PTPRM: variants seen among roughly 807,000 people sequenced by gnomAD.
The protein encoded by PTPRM is protein tyrosine phosphatase receptor type M.
In PTPRM, 47 loss-of-function variants were observed where a neutral mutation model predicts 186.7. That is an observed-to-expected ratio of 0.25 (90% confidence interval 0.20 to 0.32). The LOEUF (loss-of-function observed/expected upper bound fraction) is 0.32. Ranked by LOEUF, PTPRM falls within the 10% of genes least tolerant of loss-of-function variation. PTPRM has a pLI of 1.00. For synonymous variants in PTPRM, 668 were observed against 674.9 expected, an observed-to-expected ratio of 0.99 and a Z score of 0.16; for missense variants, 1,494 against 1,865.0, an observed-to-expected ratio of 0.80 and a Z score of 3.66.
At chr18:8,091,663 G>C (rs1435050040) in intron 11 of PTPRM, among the ~76,000 whole-genome samples, 1 of 150,448 alleles carries the variant, frequency 6.6e-6, no homozygotes, top group Non-Finnish European at 1.5e-5. Flanking sequence ...TAATTGGACT[G>C]ATTATCTGTA....
At chr18:8,224,874 A>C (rs1404322708) in intron 14 of PTPRM, among the ~76,000 whole-genome samples, 2 of 152,144 alleles carry the variant, frequency 1.3e-5, no homozygotes, top group Non-Finnish European at 2.9e-5. Context: ...AATTGATTCA[A>C]CTTTCTTATT....
rs141401285 is a variant in PTPRM at position 7,824,277 on chromosome 18, A to G, written c.196+50006A>G. Among the ~76,000 whole-genome samples the G allele has an allele frequency of 2.7e-3, 412 of 152,278 alleles. 1 individual carries two copies. Among genetic ancestry groups the G allele is most frequent in the Non-Finnish European group, 4.3e-3 (293 of 68,014 alleles). On this transcript the variant is annotated intron_variant, in intron 2 of 32. Coordinates refer to ENST00000580170, the MANE Select transcript of PTPRM (RefSeq NM_001105244.2). ...ATCACTGTTCAGAGAAAGCCTCTAG[A>G]GGAAGTAGGATCTCCCACTGTTCTG...
At chr18:7,689,866 T>C (rs1373462891) in intron 1 of PTPRM, among the ~76,000 whole-genome samples, 9 of 152,236 alleles carry the variant, frequency 5.9e-5, no homozygotes, top group Admixed American at 5.9e-4. Flanking sequence ...TACTGAATAA[T>C]GTGCCTTCCT....
intron 14 of PTPRM, among the ~76,000 whole-genome samples, chr18:8,220,807 G>A (rs138767218): frequency 1.1e-3 from 171 of 152,166 alleles, no homozygotes; most frequent in African/African-American, 3.8e-3. Flanking sequence ...ACATTGAATC[G>A]ATGCTCTTAA....
chr18:8,372,053 A>ATTTTTTTTTTTTTTT (rs2095665582), intron 24 of PTPRM, among the ~76,000 whole-genome samples: 15 of 68,500 alleles, frequency 2.2e-4, no homozygotes, highest in South Asian at 4.8e-4. Flanking sequence ...TCCACTCTAT[A>ATTTTTTTTTTTTTTT]TTCTTTTTTT....
intron 7 of PTPRM, among the ~76,000 whole-genome samples, chr18:7,974,617 T>G (rs967675705): frequency 6.6e-6 from 1 of 152,186 alleles, no homozygotes; most frequent in African/African-American, 2.4e-5. Context: ...GACTCAGTAA[T>G]CTTCCCAGGG....
intron 1 of PTPRM, among the ~76,000 whole-genome samples, chr18:7,705,691 C>T (rs924388933): frequency 1.3e-5 from 2 of 150,678 alleles, no homozygotes; most frequent in Non-Finnish European, 3.0e-5. Flanking sequence ...TTCTTTCTCT[C>T]TCTTTCTTTC....
intron 4 of PTPRM, among the ~76,000 whole-genome samples, chr18:7,917,074 G>A (rs2050603098): frequency 6.6e-6 from 1 of 152,098 alleles, no homozygotes; most frequent in African/African-American, 2.4e-5. Context: ...TTAACATCAT[G>A]TATGTACTCT....
At chr18:7,987,148 T>C (rs1206620201) in intron 7 of PTPRM, among the ~76,000 whole-genome samples, 1 of 152,186 alleles carries the variant, frequency 6.6e-6, no homozygotes, top group African/African-American at 2.4e-5. Context: ...CACAGCGCTT[T>C]TGAGCTGTAA....
At chr18:8,126,169 G>A (rs1421039813) in intron 13 of PTPRM, among the ~76,000 whole-genome samples, 1 of 150,332 alleles carries the variant, frequency 6.7e-6, no homozygotes, top group African/African-American at 2.4e-5. Context: ...ATTGTTTGCT[G>A]AATGACTGAA....
chr18:8,334,662 A>G (rs7228557), intron 22 of PTPRM, among the ~76,000 whole-genome samples: 122 of 152,362 alleles, frequency 8.0e-4, no homozygotes, highest in African/African-American at 2.9e-3. Flanking sequence ...TTTGCCTCTC[A>G]TTAATCAATA....
At position 7,691,897 on chromosome 18, in the gene PTPRM, G is replaced by C. The variant is rs1220277475; in HGVS notation, c.74-82252G>C. ...AGGTGGGAGGATGGCTAGATCCCAG[G>C]AGGTTAAGGAGGTGGGAGGATGGCT... On this transcript the variant is annotated intron_variant, in intron 1 of 32. Transcript: ENST00000580170. Among the ~76,000 whole-genome samples, 25 of 150,530 alleles carry C rather than the reference G, an allele frequency of 1.7e-4. 1 individual carries two copies. Among genetic ancestry groups the C allele is most frequent in the Non-Finnish European group, 2.1e-4 (14 of 67,588 alleles).
At chr18:8,076,265 TAA>T (rs1282031211) in intron 8 of PTPRM, among the ~76,000 whole-genome samples, 188 bp from the exon 9 acceptor site, 1 of 152,140 alleles carries the variant, frequency 6.6e-6, no homozygotes, top group African/African-American at 2.4e-5. Flanking sequence ...AAAAAAATGA[TAA>T]AGTTATTCTT....
chr18:8,169,854 T>C (rs1043765516), intron 14 of PTPRM, among the ~76,000 whole-genome samples: 2 of 152,196 alleles, frequency 1.3e-5, no homozygotes, highest in African/African-American at 4.8e-5. Context: ...AACAACAGTG[T>C]AAGTAATTTG....
At chr18:8,140,106 G>C (rs1226008027) in intron 13 of PTPRM, among the ~76,000 whole-genome samples, 1 of 152,084 alleles carries the variant, frequency 6.6e-6, no homozygotes, top group Non-Finnish European at 1.5e-5. Flanking sequence ...TCCTAACCCT[G>C]CCACTCCCCT....
At chr18:8,066,412 A>T (rs563625820) in intron 7 of PTPRM, among the ~76,000 whole-genome samples, 241 of 152,090 alleles carry the variant, frequency 1.6e-3, no homozygotes, top group African/African-American at 5.4e-3. Flanking sequence ...AAATGACAGT[A>T]CTCCATCTGA....
intron 24 of PTPRM, among the ~76,000 whole-genome samples, chr18:8,371,981 G>A (rs1306552925): frequency 2.0e-5 from 3 of 151,164 alleles, no homozygotes; most frequent in Non-Finnish European, 2.9e-5. Flanking sequence ...AATAGTAGCA[G>A]GTCTTCTTGG....
At chr18:7,931,297 A>C (rs2051469485) in intron 5 of PTPRM, among the ~76,000 whole-genome samples, 1 of 152,092 alleles carries the variant, frequency 6.6e-6, no homozygotes, top group South Asian at 2.1e-4. Flanking sequence ...AAAATATCTC[A>C]GAGTCTGTAT....
At chr18:8,230,721 G>T (rs1448657429) in intron 14 of PTPRM, among the ~76,000 whole-genome samples, 1 of 152,196 alleles carries the variant, frequency 6.6e-6, no homozygotes, top group Non-Finnish European at 1.5e-5. Flanking sequence ...TCTGTCAACT[G>T]TTGCAGTGCT....
Sources: allele counts gnomAD v4.1 joint callset (sites outside exome capture counted in the v4.1 genomes callset), GRCh38; gene constraint gnomAD v4.1.1; transcripts MANE v1.5; gene names NCBI Gene and HGNC (gene_info 2026-07-23, HGNC 2026-07-21).